DGKI: variants seen among roughly 807,000 people sequenced by gnomAD.
DGKI encodes the protein diacylglycerol kinase iota, also known as DAG kinase iota.
A neutral mutation model predicts 147.5 loss-of-function variants in DGKI; 55 were observed. The ratio of observed to expected loss-of-function variants is 0.37; its 90% CI spans 0.30 to 0.47. The LOEUF (loss-of-function observed/expected upper bound fraction) is 0.47. DGKI is among the 20% of genes least tolerant of loss of function. DGKI has a pLI of 1.00. For synonymous variants in DGKI, 469 were observed against 477.1 expected (o/e 0.98, Z 0.22); for missense variants, 1,007 against 1,323.8 (o/e 0.76, Z 3.71).
At chr7:137,758,455 G>A (rs1293651888) in intron 1 of DGKI, among the ~76,000 whole-genome samples, 1 of 152,198 alleles carries the variant, frequency 6.6e-6, no homozygotes, top group African/African-American at 2.4e-5. Flanking sequence ...GGAAGCCAAG[G>A]TGGATGGATC....
At position 137,521,938 on chromosome 7, in the gene DGKI, T is replaced by A; in HGVS notation, c.2176A>T (p.Ile726Phe). The change falls in exon 21 of 33, where the codon ATC (isoleucine) becomes TTC (phenylalanine). Residue 726 changes from isoleucine to phenylalanine, a missense_variant. Physicochemically the swap from Ile to Phe is conservative, Grantham distance 21. This residue lies in a region of DGKI where 385 missense variants were observed against 445.2 expected (regional missense o/e 0.86). Coordinates refer to ENST00000614521, the MANE Select transcript of DGKI (RefSeq NM_001321708.2). ...TGTAAACTGATTTTGTTCACCCGGA[T>A]CCTCAGACGATCTGGGACAGACTGG... ...DPQSVPDRLR[I>F]RVNKISLQDY... 1 of 1,611,870 alleles carries A rather than the reference T, an allele frequency of 6.2e-7. No individual in the cohort carries two copies. The highest frequency in any genetic ancestry group is 8.5e-7 in the Non-Finnish European group (1 of 1,178,732).
intron 3 of DGKI, among the ~76,000 whole-genome samples, chr7:137,667,280 C>T (rs1822672016): frequency 6.6e-6 from 1 of 152,128 alleles, no homozygotes; most frequent in South Asian, 2.1e-4. Flanking sequence ...TACACACATA[C>T]ACACCCATGT....
At chr7:137,844,938 C>G in intron 1 of DGKI, among the ~76,000 whole-genome samples, 1 of 152,208 alleles carries the variant, frequency 6.6e-6, no homozygotes, top group Non-Finnish European at 1.5e-5. Context: ...TGAATGTAGT[C>G]CCTGTTCCCC....
At chr7:137,618,152 T>TATATATATGTATATA (rs1554442534) in intron 8 of DGKI, among the ~76,000 whole-genome samples, 2 of 14,394 alleles carry the variant, frequency 1.4e-4, no homozygotes, top group African/African-American at 2.6e-4. Context: ...TATATATATA[T>TATATATATGTATATA]TTTTTTTTTT....
chr7:137,799,451 C>A (rs766685762), intron 1 of DGKI, among the ~76,000 whole-genome samples: 1 of 152,036 alleles, frequency 6.6e-6, no homozygotes, highest in African/African-American at 2.4e-5. Flanking sequence ...TGTGAACACA[C>A]TAAAATATAC....
intron 1 of DGKI, among the ~76,000 whole-genome samples, chr7:137,749,563 T>G (rs969202558): frequency 3.3e-5 from 5 of 152,204 alleles, no homozygotes; most frequent in Non-Finnish European, 5.9e-5. Context: ...TAACCTTAGC[T>G]GAATATATTA....
At chr7:137,426,464 A>G (rs557325977) in intron 28 of DGKI, among the ~76,000 whole-genome samples, 26 of 152,344 alleles carry the variant, frequency 1.7e-4, no homozygotes, top group African/African-American at 6.3e-4. Context: ...TGTAAAGACC[A>G]TCGAGGCTAG....
chr7:137,684,450 C>CA (rs1357524224), intron 2 of DGKI, among the ~76,000 whole-genome samples: 2 of 152,186 alleles, frequency 1.3e-5, no homozygotes, highest in Non-Finnish European at 2.9e-5. Flanking sequence ...GAAAATGTAT[C>CA]ATTACAGCTC....
At chr7:137,684,809 G>A (rs1270850165) in intron 2 of DGKI, among the ~76,000 whole-genome samples, 3 of 152,092 alleles carry the variant, frequency 2.0e-5, no homozygotes, top group Non-Finnish European at 4.4e-5. Flanking sequence ...GAAAGATGTG[G>A]GGCTGTGGGT....
chr7:137,743,972 G>A (rs1403207737), intron 1 of DGKI, among the ~76,000 whole-genome samples: 1 of 135,020 alleles, frequency 7.4e-6, no homozygotes, highest in African/African-American at 3.0e-5. Context: ...GACAGAGTGA[G>A]ACTCCATCTC....
intron 1 of DGKI, among the ~76,000 whole-genome samples, chr7:137,785,467 T>C (rs1402967595): frequency 6.6e-6 from 1 of 151,806 alleles, no homozygotes; most frequent in Non-Finnish European, 1.5e-5. Flanking sequence ...GCAGCGTGAT[T>C]GAAATAGTAA....
At chr7:137,767,678 G>T (rs1796063687) in intron 1 of DGKI, among the ~76,000 whole-genome samples, 1 of 152,192 alleles carries the variant, frequency 6.6e-6, no homozygotes, top group African/African-American at 2.4e-5. Flanking sequence ...AAGTGTAGTG[G>T]TTAAAAGTAG....
At chr7:137,395,465 TTCC>T in intron 32 of DGKI, 130 bp downstream of exon 32, 1 of 719,346 alleles carries the variant, frequency 1.4e-6, no homozygotes, top group Admixed American at 2.6e-5. Context: ...ACTCTATTTT[TTCC>T]TCCTTTTTCC....
At chr7:137,536,990 T>A (rs1170267667) in intron 20 of DGKI, among the ~76,000 whole-genome samples, 1 of 152,194 alleles carries the variant, frequency 6.6e-6, no homozygotes, top group Non-Finnish European at 1.5e-5. Context: ...GAAACTGGCA[T>A]GAGCTGAAGT....
At chr7:137,472,605 T>C in intron 23 of DGKI, among the ~76,000 whole-genome samples, 1 of 151,070 alleles carries the variant, frequency 6.6e-6, no homozygotes. Context: ...TGTAACATTT[T>C]GAGAATTATA....
intron 6 of DGKI, among the ~76,000 whole-genome samples, chr7:137,638,024 A>C (rs1821374257): frequency 6.6e-6 from 1 of 152,188 alleles, no homozygotes; most frequent in Non-Finnish European, 1.5e-5. Context: ...AAGTGTTCTC[A>C]GGCAGGTCAG....
At chr7:137,804,917 T>A (rs973988840) in intron 1 of DGKI, among the ~76,000 whole-genome samples, 6 of 152,218 alleles carry the variant, frequency 3.9e-5, no homozygotes, top group Non-Finnish European at 1.5e-5. Context: ...CTCAAATGAC[T>A]CATTCATTTT....
intron 2 of DGKI, among the ~76,000 whole-genome samples, chr7:137,688,030 T>C (rs1823479952): frequency 6.6e-6 from 1 of 152,184 alleles, no homozygotes; most frequent in Non-Finnish European, 1.5e-5. Flanking sequence ...TACCTCTCTA[T>C]AGGAATCAGA....
intron 28 of DGKI, among the ~76,000 whole-genome samples, chr7:137,441,904 T>C (rs1813525567): frequency 6.6e-6 from 1 of 152,214 alleles, no homozygotes; most frequent in African/African-American, 2.4e-5. Context: ...AGATTGATGC[T>C]ATAACATTCA....
Sources: allele counts gnomAD v4.1 joint callset (sites outside exome capture counted in the v4.1 genomes callset), GRCh38; gene constraint gnomAD v4.1.1; regional missense constraint gnomAD v4.1.1; transcripts MANE v1.5; gene names NCBI Gene and HGNC (gene_info 2026-07-23, HGNC 2026-07-21).